Variants in TBC1D30 observed in about 807,000 individuals in gnomAD.
TBC1D30 encodes the protein TBC1 domain family, member 30.
A neutral mutation model predicts 63.2 loss-of-function variants in TBC1D30; 31 were observed. The ratio of observed to expected loss-of-function variants is 0.49; its 90% CI spans 0.37 to 0.66. The LOEUF is 0.66. TBC1D30 is among the 30% of genes least tolerant of loss of function. TBC1D30 has a pLI of 0.00. For synonymous variants in TBC1D30, 307 were observed against 361.5 expected (o/e 0.85, Z 1.71); for missense variants, 810 against 953.6 (o/e 0.85, Z 1.98).
At chr12:64,842,116 G>A (rs996598026) in intron 7 of TBC1D30, among the ~76,000 whole-genome samples, 44 of 152,294 alleles carry the variant, frequency 2.9e-4, no homozygotes, top group African/African-American at 1.0e-3. Context: ...CCAGCACTTT[G>A]AGAGGCCGAA....
intron 8 of TBC1D30, among the ~76,000 whole-genome samples, chr12:64,845,697 G>A (rs1876308919): frequency 7.0e-6 from 1 of 143,612 alleles, no homozygotes; most frequent in South Asian, 2.3e-4. Flanking sequence ...CTGTACTCCA[G>A]CCTGGGCAAC....
intron 1 of TBC1D30, among the ~76,000 whole-genome samples, chr12:64,783,737 G>A (rs1216208923): frequency 1.3e-5 from 2 of 151,258 alleles, no homozygotes; most frequent in East Asian, 3.9e-4. Flanking sequence ...GGGATCACTG[G>A]AAATGAGATA....
intron 2 of TBC1D30, among the ~76,000 whole-genome samples, chr12:64,792,611 C>T (rs113618268): frequency 0.03 from 4,566 of 152,164 alleles, 125 homozygotes; most frequent in African/African-American, 0.075. Flanking sequence ...GCTGTGTTGC[C>T]CAGGCCGGAG....
At chr12:64,785,157 T>C (rs886826761) in intron 1 of TBC1D30, among the ~76,000 whole-genome samples, 2 of 151,718 alleles carry the variant, frequency 1.3e-5, no homozygotes, top group African/African-American at 4.8e-5. Context: ...CTTTTTTTTT[T>C]TTTTTTTCTT....
intron 2 of TBC1D30, among the ~76,000 whole-genome samples, chr12:64,803,150 T>C (rs1193682345): frequency 6.6e-6 from 1 of 152,168 alleles, no homozygotes; most frequent in Middle Eastern, 3.2e-3. Context: ...CCATCCTCTC[T>C]AGCACCTGTT....
intron 2 of TBC1D30, among the ~76,000 whole-genome samples, chr12:64,794,390 C>CT (rs1333340901): frequency 6.6e-6 from 1 of 151,588 alleles, no homozygotes; most frequent in Non-Finnish European, 1.5e-5. Flanking sequence ...TTTCCTCTTT[C>CT]TGGGGTTCTA....
intron 2 of TBC1D30, among the ~76,000 whole-genome samples, chr12:64,802,962 T>TGCATGTGTCTTTATAGCA (rs1872668923): frequency 6.6e-6 from 1 of 152,212 alleles, no homozygotes; most frequent in East Asian, 1.9e-4. Context: ...AACATACGTG[T>TGCATGTGTCTTTATAGCA]GCATGTGTCT....
Position 64,875,036 on chromosome 12 carries a change from G to A in TBC1D30, c.1534G>A (p.Val512Ile). 2 of 1,536,714 alleles carry A rather than the reference G, an allele frequency of 1.3e-6. No homozygotes were observed. The highest frequency in any genetic ancestry group is 1.2e-5 in the South Asian group (1 of 84,062). ...AGTGACCAGCATTCTCCCGTCTCAG[G>A]TAAACAGTTCTCCAGTTATAAACCA... ...GPVTSILPSQ[V>I]NSSPVINHLL... The change falls in exon 12 of 12, where the codon GTA becomes ATA. Residue 512 changes from valine to isoleucine, a missense_variant. Physicochemically the swap from Val to Ile is conservative, Grantham distance 29 (BLOSUM62 3). Transcript: ENST00000539867.
At chr12:64,780,952 G>A in exon 1 of TBC1D30, 1 of 1,057,768 alleles carries the variant, frequency 9.5e-7, no homozygotes, top group East Asian at 1.1e-4. Context: ...TCCGGGGAGC[G>A]GCGGAGCGGC....
chr12:64,796,517 C>T (rs951924584), intron 2 of TBC1D30, among the ~76,000 whole-genome samples: 6 of 151,990 alleles, frequency 3.9e-5, no homozygotes, highest in African/African-American at 1.4e-4. Flanking sequence ...GCCTTTAAGA[C>T]TAAAAATGAT....
At chr12:64,825,080 G>A in intron 1 of TBC1D30, 47 bp downstream of exon 1, 1 of 1,504,294 alleles carries the variant, frequency 6.6e-7, no homozygotes, top group Non-Finnish European at 8.9e-7. Flanking sequence ...GTAGCGCCGG[G>A]GCTGCCCGCG....
chr12:64,856,973 G>T (rs1373425704), intron 8 of TBC1D30, among the ~76,000 whole-genome samples: 1 of 152,074 alleles, frequency 6.6e-6, no homozygotes, highest in Non-Finnish European at 1.5e-5. Context: ...TGAGACCTGG[G>T]AGTCACCCTT....
intron 5 of TBC1D30, among the ~76,000 whole-genome samples, chr12:64,834,773 G>A (rs79912292): frequency 0.032 from 4,271 of 132,780 alleles, 230 homozygotes; most frequent in African/African-American, 0.11. Flanking sequence ...TGGGTGGTTT[G>A]AGTGAGCTGG....
At chr12:64,801,169 CAT>C (rs1817744181) in intron 2 of TBC1D30, among the ~76,000 whole-genome samples, 2 of 152,286 alleles carry the variant, frequency 1.3e-5, no homozygotes, top group South Asian at 4.1e-4. Context: ...GCCCATTAGA[CAT>C]AGATTTTCTG....
intron 2 of TBC1D30, 36 bp from the exon 3 acceptor site, chr12:64,828,407 CT>C: frequency 6.8e-7 from 1 of 1,477,570 alleles, no homozygotes; most frequent in Non-Finnish European, 9.1e-7. Context: ...ATCTAGGTCA[CT>C]GTGATCACCT....
In TBC1D30 at chr12:64,875,213, G is replaced by A; in HGVS notation, c.1711G>A (p.Val571Ile). 2 of 1,536,348 alleles carry A rather than the reference G, an allele frequency of 1.3e-6. No individual in the cohort carries two copies. The highest frequency in any genetic ancestry group is 8.7e-7 in the Non-Finnish European group (1 of 1,146,922). Residue 571 changes from valine to isoleucine, a missense_variant, in exon 12 of 12, where the codon GTC becomes ATC. By Grantham distance (29) the Val-to-Ile change is conservative. Coordinates refer to ENST00000539867, the MANE Select transcript of TBC1D30 (RefSeq NM_015279.2). ...LNSPWRTHIR[V>I]HKKNMPRTKS... ...CTCCCCGTGGCGAACTCACATCCGA[G>A]TCCACAAAAAGAACATGCCAAGGAC...
At chr12:64,809,067 C>T (rs959544412) in intron 2 of TBC1D30, among the ~76,000 whole-genome samples, 6 of 152,170 alleles carry the variant, frequency 3.9e-5, no homozygotes, top group African/African-American at 1.4e-4. Context: ...TTCAATACCA[C>T]ACAAAACTAT....
chr12:64,831,221 A>G (rs1874832276), intron 4 of TBC1D30, among the ~76,000 whole-genome samples: 1 of 152,078 alleles, frequency 6.6e-6, no homozygotes, highest in Non-Finnish European at 1.5e-5. Flanking sequence ...GTTTTTTTTT[A>G]AGGAGGAAGT....
chr12:64,785,908 G>C (rs1001327881), exon 2 of TBC1D30: 1 of 1,289,562 alleles, frequency 7.8e-7, no homozygotes, highest in Admixed American at 2.3e-5. Context: ...ACGATCCTTC[G>C]AGAGCTAAAG....
Sources: gnomAD v4.1 joint callset for allele counts (sites outside exome capture counted in the v4.1 genomes callset) on GRCh38, gnomAD v4.1.1 for gene constraint, MANE v1.5 for transcripts, NCBI Gene and HGNC (gene_info 2026-07-23, HGNC 2026-07-21) for gene names.